The following CDH4 variants were observed in gnomAD, a reference collection of about 807,000 sequenced individuals.
CDH4 encodes the protein cadherin-4.
CDH4 carries 33 observed loss-of-function variants against 86.0 expected under a neutral mutation model. The ratio of observed to expected loss-of-function variants is 0.38; its 90% CI spans 0.29 to 0.51. The LOEUF (loss-of-function observed/expected upper bound fraction) is 0.51, where lower values mean the gene tolerates loss of function less well. Among genes scored for constraint, CDH4 ranks in the 20% least tolerant of loss-of-function variants. The probability of loss-of-function intolerance (pLI) is 0.86; values close to 1 mark genes in which losing one functional copy is unlikely to be tolerated. For missense variants in CDH4, 1,114 were observed against 1,307.4 expected, an observed-to-expected ratio of 0.85 and a Z score of 2.28; for synonymous variants, 555 against 549.4, an observed-to-expected ratio of 1.01 and a Z score of -0.14.
In CDH4 at chr20:61,514,779, T is replaced by C. The variant is rs1292649338; in HGVS notation, c.170-228784T>C. On this transcript the variant is annotated intron_variant, in intron 2 of 15. Transcript: ENST00000614565. ...TTTATTGTGCCTCTCAAAACACAGA[T>C]TGAATGTGGGCCTCGATATTCATTG... Among the ~76,000 whole-genome samples the C allele has an allele frequency of 2.6e-5, 4 of 152,362 alleles. 1 individual carries two copies. The highest frequency in any genetic ancestry group is 4.1e-4 in the South Asian group (2 of 4,830).
At chr20:61,605,339 G>C (rs1422162516) in intron 2 of CDH4, among the ~76,000 whole-genome samples, 8 of 105,416 alleles carry the variant, frequency 7.6e-5, no homozygotes, top group South Asian at 3.0e-4. Context: ...CTCTCTCTGT[G>C]TGTCTCTCTC....
chr20:61,359,079 GAC>G (rs2084769612), intron 2 of CDH4, among the ~76,000 whole-genome samples: 1 of 152,122 alleles, frequency 6.6e-6, no homozygotes, highest in African/African-American at 2.4e-5. Flanking sequence ...AGCCAGCAAA[GAC>G]ACATGCCCGC....
At chr20:61,591,004 G>A (rs969242391) in intron 2 of CDH4, among the ~76,000 whole-genome samples, 20 of 152,136 alleles carry the variant, frequency 1.3e-4, no homozygotes, top group Admixed American at 3.3e-4. Context: ...GAGGCCCAGG[G>A]AGATGGCTAC....
At chr20:61,835,270 G>A (rs2146087272) in intron 4 of CDH4, among the ~76,000 whole-genome samples, 1 of 152,208 alleles carries the variant, frequency 6.6e-6, no homozygotes, top group East Asian at 1.9e-4. Context: ...AGGGTATGTT[G>A]CCCAGGCTGG....
chr20:61,355,537 C>T (rs547335706), intron 2 of CDH4, among the ~76,000 whole-genome samples: 28 of 152,326 alleles, frequency 1.8e-4, no homozygotes, highest in African/African-American at 6.3e-4. Flanking sequence ...CCCAAGCTCC[C>T]GCACAGTCCT....
At chr20:61,832,804 G>A (rs1981683611) in intron 4 of CDH4, among the ~76,000 whole-genome samples, 1 of 152,148 alleles carries the variant, frequency 6.6e-6, no homozygotes, top group Non-Finnish European at 1.5e-5. Flanking sequence ...CTGGGGTACT[G>A]CCTGGCACTG....
intron 4 of CDH4, among the ~76,000 whole-genome samples, chr20:61,820,270 A>G (rs1302596611): frequency 6.6e-6 from 1 of 151,916 alleles, no homozygotes; most frequent in Non-Finnish European, 1.5e-5. Context: ...CCACCTACAC[A>G]GCGACCAGCG....
chr20:61,487,656 C>T (rs532883125), intron 2 of CDH4, among the ~76,000 whole-genome samples: 1 of 152,174 alleles, frequency 6.6e-6, no homozygotes, highest in African/African-American at 2.4e-5. Flanking sequence ...GACAAGACAA[C>T]CCTTCAGCAG....
At chr20:61,618,186 G>A (rs2086741151) in intron 2 of CDH4, among the ~76,000 whole-genome samples, 1 of 152,088 alleles carries the variant, frequency 6.6e-6, no homozygotes, top group Non-Finnish European at 1.5e-5. Context: ...GTGGCTGAAG[G>A]CAACAAAGGC....
At chr20:61,536,741 G>T (rs1038532295) in intron 2 of CDH4, among the ~76,000 whole-genome samples, 4 of 152,192 alleles carry the variant, frequency 2.6e-5, no homozygotes, top group African/African-American at 9.7e-5. Flanking sequence ...AGACAGCTTC[G>T]GTTGCCCCGT....
chr20:61,619,335 A>G (rs1026311837), intron 2 of CDH4, among the ~76,000 whole-genome samples: 5 of 152,120 alleles, frequency 3.3e-5, no homozygotes, highest in Non-Finnish European at 7.4e-5. Flanking sequence ...CTGCTATGTG[A>G]TGTGGTCTCC....
At chr20:61,254,354 A>G (rs1014478978) in intron 1 of CDH4, among the ~76,000 whole-genome samples, 2 of 152,180 alleles carry the variant, frequency 1.3e-5, no homozygotes, top group Admixed American at 6.5e-5. Context: ...CCTCCCGGTG[A>G]CCTGGAGAGG....
chr20:61,697,506 G>C (rs2087727169), intron 2 of CDH4, among the ~76,000 whole-genome samples: 2 of 152,164 alleles, frequency 1.3e-5, no homozygotes, highest in Non-Finnish European at 2.9e-5. Context: ...GCTGAGGAAG[G>C]AGAATCGCTT....
intron 8 of CDH4, among the ~76,000 whole-genome samples, chr20:61,899,751 G>C (rs942465800): frequency 2.6e-5 from 4 of 152,186 alleles, no homozygotes; most frequent in Non-Finnish European, 5.9e-5. Context: ...TTTGAATAAA[G>C]AGGGAAGGGA....
intron 2 of CDH4, among the ~76,000 whole-genome samples, chr20:61,297,555 C>T (rs2084362879): frequency 6.6e-6 from 1 of 152,230 alleles, no homozygotes; most frequent in Admixed American, 6.5e-5. Flanking sequence ...TGGGCGTGGC[C>T]CACTGACAGC....
At chr20:61,546,938 C>T (rs1249049786) in intron 2 of CDH4, among the ~76,000 whole-genome samples, 10 of 152,080 alleles carry the variant, frequency 6.6e-5, no homozygotes, top group Admixed American at 5.9e-4. Context: ...TCTCCGTGCC[C>T]ACGCTCCAGG....
chr20:61,656,595 T>C (rs1454074871), intron 2 of CDH4, among the ~76,000 whole-genome samples: 1 of 152,140 alleles, frequency 6.6e-6, no homozygotes, highest in African/African-American at 2.4e-5. Flanking sequence ...GTCAGGCTTC[T>C]CTAGCTATGG....
intron 2 of CDH4, among the ~76,000 whole-genome samples, chr20:61,637,922 G>A (rs942158143): frequency 6.6e-6 from 1 of 152,000 alleles, no homozygotes; most frequent in African/African-American, 2.4e-5. Context: ...TTGGGAGGCT[G>A]AGGCAGGAGA....
intron 2 of CDH4, among the ~76,000 whole-genome samples, chr20:61,477,164 G>T (rs1479694057): frequency 6.6e-6 from 1 of 152,226 alleles, no homozygotes; most frequent in Non-Finnish European, 1.5e-5. Flanking sequence ...CCTGCCAGCG[G>T]AATCCTGTGG....
Sources: allele counts gnomAD v4.1 joint callset (sites outside exome capture counted in the v4.1 genomes callset), GRCh38; gene constraint gnomAD v4.1.1; transcripts MANE v1.5; gene names NCBI Gene and HGNC (gene_info 2026-07-23, HGNC 2026-07-21).